Variants in AKAP6 observed in about 807,000 individuals in gnomAD.
AKAP6 encodes A-kinase anchor protein 6.
A neutral mutation model predicts 188.5 loss-of-function variants in AKAP6; 58 were observed. The ratio of observed to expected loss-of-function variants is 0.31; its 90% CI spans 0.25 to 0.38. The LOEUF (loss-of-function observed/expected upper bound fraction) is 0.38, where lower values mean the gene tolerates loss of function less well. Ranked by LOEUF, AKAP6 falls within the 10% of genes least tolerant of loss-of-function variation. The probability of loss-of-function intolerance (pLI) is 1.00; values close to 1 mark genes in which losing one functional copy is unlikely to be tolerated. For synonymous variants in AKAP6, 989 were observed against 998.6 expected, an observed-to-expected ratio of 0.99 and a Z score of 0.18; for missense variants, 2,710 against 2,740.0, an observed-to-expected ratio of 0.99 and a Z score of 0.24.
chr14:32,424,597 C>T (rs1566495208), intron 1 of AKAP6, among the ~76,000 whole-genome samples: 1 of 152,078 alleles, frequency 6.6e-6, no homozygotes, highest in Non-Finnish European at 1.5e-5. Context: ...TATTTCATCA[C>T]CCATGTATTA....
At chr14:32,677,278 C>T (rs1889471136) in intron 7 of AKAP6, among the ~76,000 whole-genome samples, 2 of 152,182 alleles carry the variant, frequency 1.3e-5, no homozygotes, top group South Asian at 4.1e-4. Flanking sequence ...GCTGTGGATA[C>T]TAAGAGTAGA....
chr14:32,825,915 A>G (rs1418367796), intron 13 of AKAP6, among the ~76,000 whole-genome samples: 1 of 152,146 alleles, frequency 6.6e-6, no homozygotes, highest in African/African-American at 2.4e-5. Flanking sequence ...TTTGTGGCAG[A>G]TTGTTTATTT....
At chr14:32,779,428 A>AAAC (rs2033170939) in intron 12 of AKAP6, among the ~76,000 whole-genome samples, 1 of 150,898 alleles carries the variant, frequency 6.6e-6, no homozygotes, top group African/African-American at 2.4e-5. Context: ...AAAAAAAAAA[A>AAAC]AAACAAAGGA....
chr14:32,775,627 G>C (rs1344351832), intron 12 of AKAP6, among the ~76,000 whole-genome samples: 3 of 151,958 alleles, frequency 2.0e-5, no homozygotes, highest in Non-Finnish European at 4.4e-5. Context: ...GTAGAGACAT[G>C]GTCTCACTAT....
At chr14:32,354,456 C>A (rs2138461801) in intron 1 of AKAP6, among the ~76,000 whole-genome samples, 2 of 152,290 alleles carry the variant, frequency 1.3e-5, no homozygotes, top group South Asian at 4.1e-4. Flanking sequence ...AAAGATAATG[C>A]TGATGAATTC....
chr14:32,808,104 T>C (rs1384253126), intron 12 of AKAP6, among the ~76,000 whole-genome samples: 2 of 152,250 alleles, frequency 1.3e-5, no homozygotes, highest in African/African-American at 2.4e-5. Flanking sequence ...CCTATCACCA[T>C]CATTATTATT....
intron 8 of AKAP6, among the ~76,000 whole-genome samples, chr14:32,685,678 C>G (rs1041562997): frequency 2.0e-5 from 3 of 147,648 alleles, no homozygotes; most frequent in Non-Finnish European, 1.5e-5. Context: ...GAGCCAATAT[C>G]CATGCCATTG....
At chr14:32,349,071 T>C (rs947750440) in intron 1 of AKAP6, among the ~76,000 whole-genome samples, 1 of 152,230 alleles carries the variant, frequency 6.6e-6, no homozygotes, top group African/African-American at 2.4e-5. Context: ...GATTCTCTAG[T>C]ACTTATTACT....
At chr14:32,525,894 G>C (rs547867855) in intron 2 of AKAP6, among the ~76,000 whole-genome samples, 1 of 152,124 alleles carries the variant, frequency 6.6e-6, no homozygotes, top group East Asian at 1.9e-4. Context: ...AATAATAATA[G>C]CAAATCATTT....
At chr14:32,521,520 A>G (rs998780077) in intron 2 of AKAP6, among the ~76,000 whole-genome samples, 1 of 152,224 alleles carries the variant, frequency 6.6e-6, no homozygotes, top group African/African-American at 2.4e-5. Context: ...TGCAAAAATC[A>G]CAAGCATTCC....
At chr14:32,619,218 C>T (rs551844062) in intron 7 of AKAP6, among the ~76,000 whole-genome samples, 17 of 152,008 alleles carry the variant, frequency 1.1e-4, no homozygotes, top group East Asian at 7.7e-4. Flanking sequence ...ATTTTGGTTG[C>T]GTTTGCTTTC....
intron 12 of AKAP6, among the ~76,000 whole-genome samples, chr14:32,797,974 G>C: frequency 6.9e-6 from 1 of 144,470 alleles, no homozygotes. Flanking sequence ...CAGAATTGGA[G>C]AAAAGATCTG....
At chr14:32,389,532 G>A (rs766137213) in intron 1 of AKAP6, among the ~76,000 whole-genome samples, 1 of 152,014 alleles carries the variant, frequency 6.6e-6, no homozygotes, top group Non-Finnish European at 1.5e-5. Flanking sequence ...TTCTTGTAGT[G>A]GTGGTTGGTA....
At position 32,829,832 on chromosome 14, in the gene AKAP6, T is replaced by G; in HGVS notation, c.*43-16T>G. 4 of 691,700 alleles carry G rather than the reference T, an allele frequency of 5.8e-6. No individual in the cohort carries two copies. Among genetic ancestry groups the G allele is most frequent in the African/African-American group, 3.5e-5 (2 of 56,522 alleles). The allele number at this position is 691,700 out of a possible 1,614,324, so 42.8% of individuals were successfully genotyped here. ...ATTTCTGAAACCTTTTCTTGTCACT[T>G]TTTTGTTTCTTGTAGATACGCCTGG... On this transcript the variant is annotated splice_polypyrimidine_tract_variant and intron_variant, in intron 13 of 13. Transcript: ENST00000280979.
chr14:32,761,701 A>G (rs543968990), intron 11 of AKAP6, among the ~76,000 whole-genome samples: 1 of 152,080 alleles, frequency 6.6e-6, no homozygotes, highest in East Asian at 1.9e-4. Flanking sequence ...GTTATTTCAT[A>G]CCCTTTTGTG....
At chr14:32,521,721 A>G (rs953991356) in intron 2 of AKAP6, among the ~76,000 whole-genome samples, 30 of 152,218 alleles carry the variant, frequency 2.0e-4, no homozygotes, top group Admixed American at 2.6e-4. Flanking sequence ...TTCCATGCTC[A>G]TGGTTAGGAA....
chr14:32,562,098 C>T (rs1286425407), intron 4 of AKAP6, among the ~76,000 whole-genome samples: 1 of 152,106 alleles, frequency 6.6e-6, no homozygotes, highest in Admixed American at 6.6e-5. Flanking sequence ...ATACGCTTTC[C>T]ATTCTCAGGT....
At chr14:32,352,472 C>G (rs539480931) in intron 1 of AKAP6, among the ~76,000 whole-genome samples, 2 of 152,194 alleles carry the variant, frequency 1.3e-5, no homozygotes, top group Non-Finnish European at 2.9e-5. Context: ...GTTAACTAGT[C>G]ACTGTACTGT....
chr14:32,464,210 T>C lies in AKAP6; in HGVS notation c.324+30393T>C, dbSNP rs540848606. On this transcript the variant is annotated intron_variant, in intron 2 of 13. Coordinates refer to ENST00000280979, the MANE Select transcript of AKAP6 (RefSeq NM_004274.5). ...TTCCTTCTGAAACTATTCCAAACAA[T>C]AGAAAAAGAGGGAATCCTCGCTAAC... 1.2e-4 allele frequency among the ~76,000 whole-genome samples: 18 copies of C among 151,970 alleles called. No individual in the cohort carries two copies. The South Asian group carries it at 3.3e-3, about 28-fold the overall frequency.
Sources: gnomAD v4.1 joint callset for allele counts (sites outside exome capture counted in the v4.1 genomes callset) on GRCh38, gnomAD v4.1.1 for gene constraint, MANE v1.5 for transcripts, NCBI Gene and HGNC (gene_info 2026-07-23, HGNC 2026-07-21) for gene names.